The following SYT10 variants were observed in gnomAD, a reference collection of about 807,000 sequenced individuals.
The protein encoded by SYT10 is synaptotagmin-10.
In SYT10, 31 loss-of-function variants were observed where a neutral mutation model predicts 51.1. That is an observed-to-expected ratio of 0.61 (90% CI 0.46 to 0.82). The LOEUF (loss-of-function observed/expected upper bound fraction) is 0.82. Among genes scored for constraint, SYT10 ranks in the 40% least tolerant of loss-of-function variants. The pLI is 0.00. For synonymous variants in SYT10, 233 were observed against 225.9 expected (o/e 1.03, Z -0.28); for missense variants, 603 against 634.0 (o/e 0.95, Z 0.53).
chr12:33,393,802 G>C (rs1591985203), intron 3 of SYT10, among the ~76,000 whole-genome samples: 1 of 152,068 alleles, frequency 6.6e-6, no homozygotes, highest in African/African-American at 2.4e-5. Flanking sequence ...ATCTAGGGTG[G>C]CCCCCACTCC....
chr12:33,391,729 G>A (rs1866209239), intron 3 of SYT10, among the ~76,000 whole-genome samples: 1 of 152,178 alleles, frequency 6.6e-6, no homozygotes, highest in Admixed American at 6.5e-5. Flanking sequence ...CTGACACACA[G>A]TAGGTGCCAG....
Position 33,406,856 on chromosome 12 carries a change from T to C in SYT10, c.1010A>G (p.Asn337Ser). 6.2e-7 allele frequency: 1 copy of C among 1,614,016 alleles called. No homozygotes were observed. The highest frequency in any genetic ancestry group is 1.1e-5 in the South Asian group (1 of 91,086). ...HDMIGEVILD[N>S]LFEVSDLSRE... ...GGAGAGATCAGAGACTTCAAACAAA[T>C]TATCAAGAATCACTTCCCCAATCAT... The change falls in exon 3 of 7, where the codon AAT becomes AGT. Residue 337 changes from asparagine to serine, a missense_variant. Coordinates refer to ENST00000228567, the MANE Select transcript of SYT10 (RefSeq NM_198992.4).
chr12:33,381,302 C>T (rs1866112963), intron 5 of SYT10, among the ~76,000 whole-genome samples: 1 of 152,106 alleles, frequency 6.6e-6, no homozygotes, highest in African/African-American at 2.4e-5. Flanking sequence ...CCCCCCCTAG[C>T]TCTAAGCCAG....
intron 3 of SYT10, among the ~76,000 whole-genome samples, chr12:33,399,390 G>T (rs1399376227): frequency 6.6e-6 from 1 of 152,044 alleles, no homozygotes; most frequent in Non-Finnish European, 1.5e-5. Context: ...TTTTTGTTTT[G>T]TAAAACAGAA....
At chr12:33,430,093 A>T (rs1346126999) in intron 1 of SYT10, among the ~76,000 whole-genome samples, 1 of 152,208 alleles carries the variant, frequency 6.6e-6, no homozygotes, top group Non-Finnish European at 1.5e-5. Context: ...AATAAACAGA[A>T]ATTAGATTAG....
chr12:33,405,072 T>C (rs1866341230), intron 3 of SYT10: 2 of 152,306 alleles, frequency 1.3e-5, no homozygotes, highest in South Asian at 4.1e-4. Flanking sequence ...TAGATTTCAT[T>C]GGCAGATTAT....
At chr12:33,422,651 T>G (rs1279740222) in intron 2 of SYT10, among the ~76,000 whole-genome samples, 1 of 152,020 alleles carries the variant, frequency 6.6e-6, no homozygotes, top group South Asian at 2.1e-4. Context: ...CAAAATTTCC[T>G]ACTCCATGAT....
Position 33,376,726 on chromosome 12 carries a change from G to C in SYT10, c.*104C>G. 6 of 1,311,928 alleles carry C rather than the reference G, an allele frequency of 4.6e-6. No individual in the cohort carries two copies. The South Asian group carries it at 7.6e-5, about 17-fold the overall frequency. The allele number at this position is 1,311,928 out of a possible 1,614,324, so 81.3% of individuals were successfully genotyped here. The stretch of plus-strand genomic sequence containing the variant: ...AAGTGCACATCAAGTTTGTTCATTA[G>C]TACGGATATATTTCAAATGAGGAAA... On this transcript the variant is annotated 3_prime_UTR_variant, in exon 7 of 7. Coordinates refer to ENST00000228567, the MANE Select transcript of SYT10 (RefSeq NM_198992.4).
chr12:33,408,812 C>T (rs1255834607), intron 2 of SYT10, among the ~76,000 whole-genome samples: 1 of 152,188 alleles, frequency 6.6e-6, no homozygotes, highest in Non-Finnish European at 1.5e-5. Context: ...CAATCTCTGA[C>T]AATAGCACTA....
intron 2 of SYT10, among the ~76,000 whole-genome samples, chr12:33,412,375 G>A (rs973010353): frequency 2.0e-5 from 3 of 150,340 alleles, no homozygotes; most frequent in Admixed American, 1.3e-4. Context: ...TTAAACTATT[G>A]CCATGACAAC....
chr12:33,387,069 T>C (rs1205290295), intron 3 of SYT10, among the ~76,000 whole-genome samples: 3 of 152,148 alleles, frequency 2.0e-5, no homozygotes, highest in Admixed American at 2.0e-4. Flanking sequence ...AGGTTTACTT[T>C]TGGGGGAAAT....
rs12317722 is a variant in SYT10, at chr12:33,407,351, C to T, written c.515G>A (p.Ser172Asn). 1 of 1,602,560 alleles carries T rather than the reference C, an allele frequency of 6.2e-7. No individual in the cohort carries two copies. The highest frequency in any genetic ancestry group is 1.7e-5 in the Admixed American group (1 of 59,982). Residue 172 changes from serine to asparagine, a missense_variant, in exon 3 of 7, where the codon AGT (serine) becomes AAT (asparagine). Coordinates refer to ENST00000228567, the MANE Select transcript of SYT10 (RefSeq NM_198992.4). The part of the protein sequence containing the change: ...ITEPTSSTRH[S>N]SFRRHLPRQM... ...CCTCGGCAGGTGTCTTCGGAAGGAA[C>T]TGTGGCTGAACACACACACATATAC...
At chr12:33,423,404 T>G (rs1336202461) in intron 2 of SYT10, among the ~76,000 whole-genome samples, 1 of 152,026 alleles carries the variant, frequency 6.6e-6, no homozygotes, top group Non-Finnish European at 1.5e-5. Flanking sequence ...AAAGTTGGCA[T>G]TTGAGCAGAA....
intron 3 of SYT10, among the ~76,000 whole-genome samples, chr12:33,396,666 G>C (rs1434154941): frequency 6.6e-6 from 1 of 151,552 alleles, no homozygotes; most frequent in Non-Finnish European, 1.5e-5. Context: ...TTTTTCAATT[G>C]CAATGAAATG....
chr12:33,389,523 A>T (rs1866186443), intron 3 of SYT10, among the ~76,000 whole-genome samples: 1 of 152,190 alleles, frequency 6.6e-6, no homozygotes, highest in Non-Finnish European at 1.5e-5. Context: ...CTAGATTAGG[A>T]TGAAAAAAGA....
rs7358541 is a variant in SYT10 at position 33,384,054 on chromosome 12, G to A, written c.1198+1117C>T. Among the ~76,000 whole-genome samples, 1,208 of 151,956 alleles carry A rather than the reference G, an allele frequency of 7.9e-3. 12 individuals are homozygous for A. Among genetic ancestry groups the A allele is most frequent in the African/African-American group, 0.028 (1,142 of 41,458 alleles). On this transcript the variant is annotated intron_variant, in intron 4 of 6. Coordinates refer to ENST00000228567, the MANE Select transcript of SYT10 (RefSeq NM_198992.4). Reference sequence around the variant, plus strand: ...TACTTTCACATACACACTATGTATCGCAAATTTTAAAAAATGAACATCATG... The same window carrying A: ...TACTTTCACATACACACTATGTATCACAAATTTTAAAAAATGAACATCATG...
rs1327851178 is a variant in SYT10 at position 33,375,409 on chromosome 12, T to C, written c.*1421A>G. Reference sequence around the variant, plus strand: ...CATCCAGGTAAATATGTTTTTATTTTCTTGCCTCTTTTTTTAAAAAAACCA... The same window carrying C: ...CATCCAGGTAAATATGTTTTTATTTCCTTGCCTCTTTTTTTAAAAAAACCA... On this transcript the variant is annotated 3_prime_UTR_variant, in exon 7 of 7. Coordinates refer to ENST00000228567, the MANE Select transcript of SYT10 (RefSeq NM_198992.4). 3 of 152,086 alleles carry C rather than the reference T, an allele frequency of 2.0e-5. No homozygotes were observed. Among genetic ancestry groups the C allele is most frequent in the African/African-American group, 7.2e-5 (3 of 41,446 alleles). The allele number at this position is 152,086 out of a possible 1,614,324, so 9.4% of individuals were successfully genotyped here. A position where few individuals can be genotyped will look rare whatever the true frequency, so the allele number is the denominator to read the frequency against.
intron 4 of SYT10, among the ~76,000 whole-genome samples, chr12:33,383,898 T>C (rs78780934): frequency 1.3e-5 from 2 of 152,202 alleles, no homozygotes; most frequent in South Asian, 4.1e-4. Flanking sequence ...GTCTCAAAAT[T>C]TGATCTCTTT....
chr12:33,380,011 G>C (rs1434515199), intron 5 of SYT10, 50 bp from the exon 6 acceptor site: 2 of 1,534,418 alleles, frequency 1.3e-6, no homozygotes, highest in Non-Finnish European at 1.8e-6. Flanking sequence ...CAAAGATAAA[G>C]GGGGTTTCAC....
Sources: gnomAD v4.1 joint callset for allele counts (sites outside exome capture counted in the v4.1 genomes callset) on GRCh38, gnomAD v4.1.1 for gene constraint, MANE v1.5 for transcripts, NCBI Gene and HGNC (gene_info 2026-07-23, HGNC 2026-07-21) for gene names.